Variants in WWOX observed in about 807,000 individuals in gnomAD.
WWOX encodes the protein WW domain-containing oxidoreductase.
A neutral mutation model predicts 46.2 loss-of-function variants in WWOX; 69 were observed. The ratio of observed to expected loss-of-function variants is 1.49; its 90% CI spans 1.23 to 1.82. The LOEUF (loss-of-function observed/expected upper bound fraction) is 1.82, where lower values mean the gene tolerates loss of function less well. Among genes scored for constraint, WWOX ranks in the 40% most tolerant of loss-of-function variants. The pLI is 0.00. For missense variants in WWOX, 919 were observed against 542.6 expected (o/e 1.69, Z -6.89); for synonymous variants, 359 against 202.6 (o/e 1.77, Z -6.56).
At chr16:78,706,060 T>TTG (rs1437097236) in intron 8 of WWOX, among the ~76,000 whole-genome samples, 2 of 148,960 alleles carry the variant, frequency 1.3e-5, no homozygotes, top group Non-Finnish European at 3.0e-5. Flanking sequence ...TATGGCAGGT[T>TTG]TTTTTTTTTT....
At chr16:79,096,292 C>G (rs1203112056) in intron 8 of WWOX, among the ~76,000 whole-genome samples, 1 of 152,136 alleles carries the variant, frequency 6.6e-6, no homozygotes, top group Non-Finnish European at 1.5e-5. Context: ...CTGCTCCGAA[C>G]TTTCTGAAGG....
At chr16:78,243,211 C>G (rs1226596238) in intron 5 of WWOX, among the ~76,000 whole-genome samples, 2 of 152,066 alleles carry the variant, frequency 1.3e-5, no homozygotes, top group South Asian at 2.1e-4. Context: ...CACGTTTCTT[C>G]TATAGTACAT....
At chr16:78,334,170 C>A (rs185403333) in intron 5 of WWOX, among the ~76,000 whole-genome samples, 1 of 152,306 alleles carries the variant, frequency 6.6e-6, no homozygotes, top group Admixed American at 6.5e-5. Flanking sequence ...AATGCATTCG[C>A]CTAATGTAAT....
At chr16:78,913,019 C>T (rs949655128) in intron 8 of WWOX, among the ~76,000 whole-genome samples, 1 of 152,018 alleles carries the variant, frequency 6.6e-6, no homozygotes, top group Non-Finnish European at 1.5e-5. Flanking sequence ...CTCGAGTTGT[C>T]TCAGAGCACA....
intron 8 of WWOX, among the ~76,000 whole-genome samples, chr16:78,913,170 TA>T (rs1303046140): frequency 1.3e-5 from 2 of 151,982 alleles, no homozygotes; most frequent in Non-Finnish European, 2.9e-5. Flanking sequence ...GTCGCTGAGG[TA>T]ATATGAGGAG....
intron 8 of WWOX, chr16:78,891,388 T>G (rs566898300): frequency 6.6e-6 from 1 of 152,298 alleles, no homozygotes; most frequent in South Asian, 2.1e-4. Context: ...AATGAGTTCC[T>G]GTTACCAGGG....
intron 8 of WWOX, among the ~76,000 whole-genome samples, chr16:79,069,971 A>G (rs1265415234): frequency 1.3e-5 from 2 of 152,246 alleles, no homozygotes; most frequent in East Asian, 3.8e-4. Flanking sequence ...CAAGGCAACC[A>G]ATTAGTATTC....
At chr16:78,791,277 G>A (rs956883026) in intron 8 of WWOX, among the ~76,000 whole-genome samples, 12 of 152,110 alleles carry the variant, frequency 7.9e-5, no homozygotes, top group African/African-American at 2.7e-4. Context: ...CCAGGCACTC[G>A]GGTTTCCTGT....
chr16:79,161,745 G>A (rs986231952), intron 8 of WWOX, among the ~76,000 whole-genome samples: 4 of 152,102 alleles, frequency 2.6e-5, no homozygotes, highest in Non-Finnish European at 4.4e-5. Context: ...TCTCAAACTC[G>A]TGACCTCAAG....
At chr16:78,424,763 C>T (rs540446906) in intron 6 of WWOX, 107 bp from the exon 7 acceptor site, 4 of 1,257,096 alleles carry the variant, frequency 3.2e-6, no homozygotes, top group East Asian at 2.3e-5. Flanking sequence ...ATGGATTATC[C>T]TTGGTTGTAG....
chr16:78,164,201 C>CT lies in WWOX; in HGVS notation c.432dup (p.Ala145CysfsTer19). 1 of 1,614,102 alleles carries CT rather than the reference C, an allele frequency of 6.2e-7. No homozygotes were observed. The highest frequency in any genetic ancestry group is 8.5e-7 in the Non-Finnish European group (1 of 1,180,008). Reference sequence around the variant, plus strand: ...ACCATAGGGTTCGAAACCGCCAAGTCTTTTGCCCTCCATGGTGCACATGTG... The same window carrying CT: ...ACCATAGGGTTCGAAACCGCCAAGTCTTTTTGCCCTCCATGGTGCACATGTG... On this transcript the variant is annotated frameshift_variant, in exon 5 of 9. Transcript: ENST00000566780. LOFTEE classifies it high-confidence loss of function.
chr16:78,839,090 T>G (rs1227535198), intron 8 of WWOX, among the ~76,000 whole-genome samples: 1 of 151,532 alleles, frequency 6.6e-6, no homozygotes, highest in Non-Finnish European at 1.5e-5. Flanking sequence ...ATTGCTGTAT[T>G]ATTTCTTGAC....
intron 8 of WWOX, among the ~76,000 whole-genome samples, chr16:78,562,314 C>T (rs988659609): frequency 1.3e-5 from 2 of 152,194 alleles, no homozygotes; most frequent in Non-Finnish European, 2.9e-5. Flanking sequence ...CTCAAAAACC[C>T]ATGCATATTC....
intron 8 of WWOX, among the ~76,000 whole-genome samples, chr16:78,810,353 G>A (rs1209984302): frequency 6.6e-6 from 1 of 152,134 alleles, no homozygotes; most frequent in Non-Finnish European, 1.5e-5. Context: ...TGATCAGCCG[G>A]TATATTTATG....
chr16:78,391,289 G>A (rs1339683784), intron 6 of WWOX, among the ~76,000 whole-genome samples: 1 of 152,168 alleles, frequency 6.6e-6, no homozygotes, highest in South Asian at 2.1e-4. Context: ...TTTTATGCAA[G>A]GCAGTGTGCT....
At chr16:78,441,839 A>T (rs1032293248) in intron 8 of WWOX, among the ~76,000 whole-genome samples, 1 of 152,100 alleles carries the variant, frequency 6.6e-6, no homozygotes, top group African/African-American at 2.4e-5. Flanking sequence ...ATTAAAGATT[A>T]TGAATGTTCA....
chr16:78,185,547 A>G (rs2035670791), intron 5 of WWOX, among the ~76,000 whole-genome samples: 1 of 151,934 alleles, frequency 6.6e-6, no homozygotes, highest in African/African-American at 2.4e-5. Context: ...AGCTTTAGAT[A>G]TATTACTTCC....
intron 5 of WWOX, among the ~76,000 whole-genome samples, chr16:78,189,115 G>A (rs1043605394): frequency 3.3e-5 from 5 of 152,184 alleles, no homozygotes; most frequent in Admixed American, 1.3e-4. Flanking sequence ...GGAGGGTAGA[G>A]TTGCAAGACA....
chr16:79,050,555 C>T (rs2048147109), intron 8 of WWOX, among the ~76,000 whole-genome samples: 1 of 152,206 alleles, frequency 6.6e-6, no homozygotes, highest in African/African-American at 2.4e-5. Flanking sequence ...ATACTGCAGT[C>T]CCAAAGCCCG....
Sources: allele counts gnomAD v4.1 joint callset (sites outside exome capture counted in the v4.1 genomes callset), GRCh38; gene constraint gnomAD v4.1.1; transcripts MANE v1.5; gene names NCBI Gene and HGNC (gene_info 2026-07-23, HGNC 2026-07-21).